NPAS3: variants seen among roughly 807,000 people sequenced by gnomAD.
NPAS3 encodes the protein neuronal PAS domain protein 3.
In NPAS3, 14 loss-of-function variants were observed where a neutral mutation model predicts 73.1. The observed-to-expected ratio is 0.19, with a 90% CI of 0.13 to 0.30. The LOEUF is 0.30. Among genes scored for constraint, NPAS3 ranks in the 10% least tolerant of loss-of-function variants. The pLI is 1.00. For missense variants in NPAS3, 1,096 were observed against 1,250.0 expected, an observed-to-expected ratio of 0.88 and a Z score of 1.86; for synonymous variants, 620 against 541.5, an observed-to-expected ratio of 1.14 and a Z score of -2.01.
chr14:33,611,760 C>G (rs1460610128), intron 5 of NPAS3, among the ~76,000 whole-genome samples: 1 of 151,898 alleles, frequency 6.6e-6, no homozygotes, highest in East Asian at 1.9e-4. Flanking sequence ...TTTTAGTGTT[C>G]AAGTAAAATT....
chr14:32,989,361 G>A (rs566044238), intron 1 of NPAS3, among the ~76,000 whole-genome samples: 10 of 152,246 alleles, frequency 6.6e-5, no homozygotes, highest in African/African-American at 2.2e-4. Flanking sequence ...TTAAAAGTTT[G>A]TGGCCGGGCA....
chr14:33,191,916 T>C (rs1220247545), intron 2 of NPAS3, among the ~76,000 whole-genome samples: 1 of 152,244 alleles, frequency 6.6e-6, no homozygotes, highest in Admixed American at 6.5e-5. Context: ...CCAAATCAAA[T>C]CTTGAGATCA....
At chr14:33,405,282 G>A (rs2047616675) in intron 4 of NPAS3, among the ~76,000 whole-genome samples, 1 of 151,980 alleles carries the variant, frequency 6.6e-6, no homozygotes, top group Admixed American at 6.6e-5. Flanking sequence ...AATCCCTTTA[G>A]GCAGGAAGAG....
In NPAS3 at chr14:33,090,661, A is replaced by T. The variant is rs2042194007; in HGVS notation, c.140+34667A>T. Among the ~76,000 whole-genome samples, 3 of 152,218 alleles carry T rather than the reference A, an allele frequency of 2.0e-5. No homozygotes were observed. The South Asian group carries it at 6.2e-4, about 32-fold the overall frequency. ...CACCAAGCAGACCTAATAGACATCTACAGAACTCTCCACTCCAAATCAACA... is the reference window on the plus strand; with the variant it reads ...CACCAAGCAGACCTAATAGACATCTTCAGAACTCTCCACTCCAAATCAACA... On this transcript the variant is annotated intron_variant, in intron 2 of 11. Transcript: ENST00000356141.
intron 6 of NPAS3, among the ~76,000 whole-genome samples, chr14:33,693,607 G>A (rs957867924): frequency 5.9e-5 from 9 of 152,138 alleles, no homozygotes; most frequent in Non-Finnish European, 7.4e-5. Flanking sequence ...AAACAGTAGC[G>A]TAAAGATCAG....
intron 5 of NPAS3, among the ~76,000 whole-genome samples, chr14:33,658,660 A>G (rs186672957): frequency 7.2e-5 from 11 of 152,312 alleles, no homozygotes; most frequent in Admixed American, 2.6e-4. Flanking sequence ...CATGTCATCT[A>G]TAATTTCCTC....
intron 1 of NPAS3, among the ~76,000 whole-genome samples, chr14:33,014,576 A>G (rs368589891): frequency 6.6e-6 from 1 of 152,236 alleles, no homozygotes; most frequent in Non-Finnish European, 1.5e-5. Flanking sequence ...ATGACACATA[A>G]TGAAAACTTA....
In NPAS3 at chr14:33,403,579, G is replaced by A. The variant is rs370766456; in HGVS notation, c.468+36311G>A. Reference sequence around the variant, plus strand: ...ATGTGGGGTTGGTCATTTGAATGGAGGTACATGGGGTTTGTATTCAATTTC... The same window carrying A: ...ATGTGGGGTTGGTCATTTGAATGGAAGTACATGGGGTTTGTATTCAATTTC... On this transcript the variant is annotated intron_variant, in intron 4 of 11. Transcript: ENST00000356141. 6.0e-4 allele frequency among the ~76,000 whole-genome samples: 91 copies of A among 152,178 alleles called. 1 individual carries two copies. The South Asian group carries it at 0.017, about 28-fold the overall frequency.
At chr14:33,364,689 C>CT (rs2045757329) in intron 3 of NPAS3, among the ~76,000 whole-genome samples, 1 of 152,128 alleles carries the variant, frequency 6.6e-6, no homozygotes, top group South Asian at 2.1e-4. Flanking sequence ...TGGATGAAGA[C>CT]ATTTCCTCAG....
intron 4 of NPAS3, among the ~76,000 whole-genome samples, chr14:33,553,110 C>A (rs2055195900): frequency 6.6e-6 from 1 of 152,158 alleles, no homozygotes; most frequent in South Asian, 2.1e-4. Flanking sequence ...CAGTCACTGT[C>A]TTTTGACCAG....
chr14:33,789,749 C>A (rs910794801), intron 9 of NPAS3, among the ~76,000 whole-genome samples: 2 of 132,882 alleles, frequency 1.5e-5, no homozygotes, highest in Non-Finnish European at 3.2e-5. Flanking sequence ...CCACCACGCC[C>A]GGCTAATTTT....
At chr14:33,576,584 T>C (rs1027943641) in intron 5 of NPAS3, among the ~76,000 whole-genome samples, 5 of 152,172 alleles carry the variant, frequency 3.3e-5, no homozygotes, top group African/African-American at 1.2e-4. Flanking sequence ...GTACATTAAG[T>C]AAAGGAGAGG....
intron 6 of NPAS3, among the ~76,000 whole-genome samples, chr14:33,726,611 G>C (rs1398069262): frequency 6.6e-6 from 1 of 152,076 alleles, no homozygotes; most frequent in Admixed American, 6.6e-5. Flanking sequence ...CTCTTACTCT[G>C]TGTTATTCTT....
At chr14:33,213,021 A>C (rs1350524521) in intron 2 of NPAS3, among the ~76,000 whole-genome samples, 1 of 152,176 alleles carries the variant, frequency 6.6e-6, no homozygotes, top group African/African-American at 2.4e-5. Context: ...TGGCATATAA[A>C]AGTTCAGATG....
At chr14:33,305,726 G>T (rs186518684) in intron 3 of NPAS3, among the ~76,000 whole-genome samples, 8 of 152,210 alleles carry the variant, frequency 5.3e-5, no homozygotes, top group African/African-American at 1.7e-4. Context: ...TCTACCAAAG[G>T]TTACAGAATC....
At chr14:33,605,251 G>A (rs1427679645) in intron 5 of NPAS3, among the ~76,000 whole-genome samples, 2 of 151,922 alleles carry the variant, frequency 1.3e-5, no homozygotes, top group African/African-American at 2.4e-5. Context: ...ATCATACTCA[G>A]TGGTGAAAAA....
At chr14:33,162,671 G>GC (rs758734867) in intron 2 of NPAS3, among the ~76,000 whole-genome samples, 1 of 148,218 alleles carries the variant, frequency 6.7e-6, no homozygotes, top group Non-Finnish European at 1.5e-5. Flanking sequence ...TTAAAAACAA[G>GC]CAAAAAAAAA....
At chr14:32,961,786 T>C (rs1188278937) in intron 1 of NPAS3, among the ~76,000 whole-genome samples, 2 of 152,164 alleles carry the variant, frequency 1.3e-5, no homozygotes, top group African/African-American at 2.4e-5. Flanking sequence ...GAACTAAGTC[T>C]TTTAGAAGCT....
chr14:33,264,755 C>T (rs2049108657), intron 3 of NPAS3, among the ~76,000 whole-genome samples: 1 of 152,108 alleles, frequency 6.6e-6, no homozygotes, highest in South Asian at 2.1e-4. Context: ...ATATTCATTT[C>T]CTTCCTCTCC....
Sources: gnomAD v4.1 joint callset for allele counts (sites outside exome capture counted in the v4.1 genomes callset) on GRCh38, gnomAD v4.1.1 for gene constraint, MANE v1.5 for transcripts, NCBI Gene and HGNC (gene_info 2026-07-23, HGNC 2026-07-21) for gene names.